Variants in ZNF407 observed in about 807,000 individuals in gnomAD.
ZNF407 encodes the protein zinc finger protein 407.
Under a neutral mutation model 131.2 loss-of-function variants are expected in ZNF407, and 17 were observed. That is an observed-to-expected ratio of 0.13 (90% CI 0.09 to 0.19). ZNF407 has a LOEUF of 0.19. Among genes scored for constraint, ZNF407 ranks in the 10% least tolerant of loss-of-function variants. The pLI, the probability that ZNF407 is intolerant of heterozygous loss-of-function variation, is 1.00. For missense variants in ZNF407, 2,681 were observed against 2,830.6 expected, an observed-to-expected ratio of 0.95 and a Z score of 1.20; for synonymous variants, 1,156 against 1,062.0, an observed-to-expected ratio of 1.09 and a Z score of -1.72.
At chr18:74,754,798 T>C (rs559983448) in intron 3 of ZNF407, among the ~76,000 whole-genome samples, 1 of 152,332 alleles carries the variant, frequency 6.6e-6, no homozygotes, top group African/African-American at 2.4e-5. Flanking sequence ...ATAAGTGCGA[T>C]GTGATGCTGA....
intron 3 of ZNF407, among the ~76,000 whole-genome samples, chr18:74,727,721 C>A (rs754263892): frequency 6.6e-6 from 1 of 152,158 alleles, no homozygotes; most frequent in Non-Finnish European, 1.5e-5. Flanking sequence ...GATAGCAAGT[C>A]GCCATGCGCG....
chr18:74,768,313 A>G (rs1348290001), intron 3 of ZNF407, among the ~76,000 whole-genome samples: 1 of 152,168 alleles, frequency 6.6e-6, no homozygotes, highest in Non-Finnish European at 1.5e-5. Context: ...CTTAGACAAG[A>G]TTGGAAACAG....
intron 8 of ZNF407, among the ~76,000 whole-genome samples, chr18:74,938,747 A>T (rs1333655153): frequency 6.6e-6 from 1 of 152,266 alleles, no homozygotes; most frequent in Admixed American, 6.5e-5. Flanking sequence ...CATAGACTAA[A>T]GCAGAGGGAG....
intron 8 of ZNF407, among the ~76,000 whole-genome samples, chr18:74,971,073 G>A (rs547207572): frequency 2.3e-4 from 35 of 152,316 alleles, no homozygotes; most frequent in African/African-American, 7.9e-4. Context: ...CTGTACATTG[G>A]CCCCTTTCAG....
chr18:75,042,559 CTT>C, intron 8 of ZNF407, among the ~76,000 whole-genome samples: 1 of 152,314 alleles, frequency 6.6e-6, no homozygotes, highest in African/African-American at 2.4e-5. Flanking sequence ...CTCTTCTGTG[CTT>C]ATATGGAGTG....
chr18:74,721,314 G>A (rs1404594051), intron 3 of ZNF407, among the ~76,000 whole-genome samples: 1 of 152,064 alleles, frequency 6.6e-6, no homozygotes, highest in African/African-American at 2.4e-5. Context: ...CTGTTTGTGT[G>A]TAGACATACT....
intron 2 of ZNF407, among the ~76,000 whole-genome samples, chr18:74,637,400 G>A (rs573173312): frequency 2.0e-5 from 3 of 152,232 alleles, no homozygotes; most frequent in East Asian, 3.9e-4. Flanking sequence ...TCAAGTTAAT[G>A]TGGATGTGAA....
intron 4 of ZNF407, among the ~76,000 whole-genome samples, chr18:74,796,106 AT>A (rs779336447): frequency 4.0e-4 from 61 of 152,178 alleles, no homozygotes; most frequent in Non-Finnish European, 7.6e-4. Context: ...ATATTTTTTA[AT>A]GTGTTATTTT....
intron 4 of ZNF407, among the ~76,000 whole-genome samples, chr18:74,801,665 C>G (rs558476770): frequency 6.6e-6 from 1 of 152,282 alleles, no homozygotes; most frequent in Admixed American, 6.5e-5. Context: ...GTCGAGGTCT[C>G]TTGGTTGGTG....
Position 74,804,380 on chromosome 18 carries a change from G to T in ZNF407, c.4877+22878G>T, listed in dbSNP as rs1337478822. 18 of 1,027,500 alleles carry T rather than the reference G, an allele frequency of 1.8e-5. No individual in the cohort carries two copies. The East Asian group carries it at 1.3e-3, about 76-fold the overall frequency. 63.6% of individuals were successfully genotyped at this position (1,027,500 alleles called of 1,614,324 possible). On this transcript the variant is annotated intron_variant, in intron 4 of 8. Transcript: ENST00000299687. ...ATCAAAGTTTTTGTAAGCATGCCAT[G>T]TGACAAATGCCTGGCATATTCAGTA...
intron 4 of ZNF407, among the ~76,000 whole-genome samples, chr18:74,846,598 A>G (rs1970706879): frequency 6.6e-6 from 1 of 151,756 alleles, no homozygotes; most frequent in South Asian, 2.1e-4. Flanking sequence ...TGGCCTCCCA[A>G]AGTGCTGGGA....
At chr18:74,984,509 G>A (rs572861798) in intron 8 of ZNF407, among the ~76,000 whole-genome samples, 14 of 152,006 alleles carry the variant, frequency 9.2e-5, no homozygotes, top group Non-Finnish European at 1.8e-4. Context: ...GTTCATTTAG[G>A]TTCAGCATGT....
intron 1 of ZNF407, among the ~76,000 whole-genome samples, chr18:74,607,179 C>T (rs1029416009): frequency 6.6e-6 from 1 of 152,138 alleles, no homozygotes; most frequent in Non-Finnish European, 1.5e-5. Flanking sequence ...TAATGTGTAT[C>T]GGAGTCACCC....
At position 74,757,211 on chromosome 18, in the gene ZNF407, T is replaced by G. The variant is rs193073974; in HGVS notation, c.4803-24217T>G. ...AGATCTTTTATTCGTTTATTTTATTTTATTTATTATTTTTAAGGAAGTCAA... is the reference window on the plus strand; with the variant it reads ...AGATCTTTTATTCGTTTATTTTATTGTATTTATTATTTTTAAGGAAGTCAA... On this transcript the variant is annotated intron_variant, in intron 3 of 8. Coordinates refer to ENST00000299687, the MANE Select transcript of ZNF407 (RefSeq NM_017757.3). Among the ~76,000 whole-genome samples the G allele has an allele frequency of 3.7e-4, 57 of 152,114 alleles. No homozygotes were observed. In the East Asian group the frequency reaches 0.01, roughly 27 times the overall value.
At chr18:74,885,306 G>A (rs1330699052) in intron 6 of ZNF407, among the ~76,000 whole-genome samples, 1 of 152,104 alleles carries the variant, frequency 6.6e-6, no homozygotes, top group African/African-American at 2.4e-5. Context: ...TAAACGATGT[G>A]CAAAACCATT....
intron 3 of ZNF407, among the ~76,000 whole-genome samples, chr18:74,657,934 C>CT: frequency 6.7e-6 from 1 of 148,720 alleles, no homozygotes; most frequent in African/African-American, 2.5e-5. Context: ...TCTTCTTCTT[C>CT]TCCCTCCTTT....
At chr18:74,791,150 G>C (rs508638) in intron 4 of ZNF407, among the ~76,000 whole-genome samples, 149,387 of 152,280 alleles carry the variant, frequency 0.98, 73,363 homozygotes, top group Middle Eastern at 1. Flanking sequence ...TCCTCAGGTT[G>C]TACAAGATGT....
intron 3 of ZNF407, among the ~76,000 whole-genome samples, chr18:74,723,031 A>G (rs1386131894): frequency 6.6e-6 from 1 of 151,856 alleles, no homozygotes; most frequent in Non-Finnish European, 1.5e-5. Flanking sequence ...TCTGTTCTTC[A>G]TATTGGATGA....
intron 3 of ZNF407, among the ~76,000 whole-genome samples, chr18:74,733,480 G>A (rs1435459583): frequency 2.6e-5 from 4 of 151,820 alleles, no homozygotes; most frequent in African/African-American, 9.7e-5. Flanking sequence ...AAATGTTATT[G>A]CTATTCCATT....
Sources: allele counts gnomAD v4.1 joint callset (sites outside exome capture counted in the v4.1 genomes callset), GRCh38; gene constraint gnomAD v4.1.1; transcripts MANE v1.5; gene names NCBI Gene and HGNC (gene_info 2026-07-23, HGNC 2026-07-21).